Variants in LMBR1 observed in about 807,000 individuals in gnomAD.
LMBR1 encodes the protein limb region 1 protein homolog.
In LMBR1, 52 loss-of-function variants were observed where a neutral mutation model predicts 73.9. The observed-to-expected ratio is 0.70, with a 90% confidence interval of 0.56 to 0.89. The LOEUF (loss-of-function observed/expected upper bound fraction) is 0.89, where lower values mean the gene tolerates loss of function less well. Among genes scored for constraint, LMBR1 ranks in the 40% least tolerant of loss-of-function variants. The pLI, the probability that LMBR1 is intolerant of heterozygous loss-of-function variation, is 0.00. For synonymous variants in LMBR1, 215 were observed against 209.4 expected (o/e 1.03, Z -0.23); for missense variants, 539 against 579.8 (o/e 0.93, Z 0.72).
chr7:156,825,823 A>T (rs1327761354), intron 4 of LMBR1, among the ~76,000 whole-genome samples: 1 of 152,232 alleles, frequency 6.6e-6, no homozygotes, highest in Non-Finnish European at 1.5e-5. Context: ...CTAAGACAAC[A>T]GGAAGCCGCG....
chr7:156,846,732 A>C (rs1466744068), intron 1 of LMBR1, among the ~76,000 whole-genome samples: 1 of 152,162 alleles, frequency 6.6e-6, no homozygotes, highest in Non-Finnish European at 1.5e-5. Flanking sequence ...AATAGTCAAC[A>C]CAATATTGAA....
intron 5 of LMBR1, 88 bp from the exon 6 acceptor site, chr7:156,763,883 T>C: frequency 1.9e-6 from 2 of 1,069,296 alleles, no homozygotes; most frequent in Admixed American, 3.1e-5. Context: ...CATAAAATAA[T>C]CCCTTGGAAG....
intron 1 of LMBR1, among the ~76,000 whole-genome samples, chr7:156,888,809 C>T (rs1337207806): frequency 6.6e-6 from 1 of 152,076 alleles, no homozygotes; most frequent in Admixed American, 6.6e-5. Context: ...AATCCCAGCA[C>T]TTTGGGAGGC....
At chr7:156,888,820 T>G (rs1357618712) in intron 1 of LMBR1, among the ~76,000 whole-genome samples, 1 of 152,004 alleles carries the variant, frequency 6.6e-6, no homozygotes, top group Non-Finnish European at 1.5e-5. Context: ...TTTGGGAGGC[T>G]GAGGCAGGTG....
chr7:156,882,882 T>C (rs1225719950), intron 1 of LMBR1, among the ~76,000 whole-genome samples: 1 of 151,784 alleles, frequency 6.6e-6, no homozygotes, highest in Non-Finnish European at 1.5e-5. Flanking sequence ...ATACAATAAA[T>C]TAGCTGGACG....
rs1441590376 is a variant in LMBR1 at position 156,853,366 on chromosome 7, C to A, written c.67-16481G>T. On this transcript the variant is annotated intron_variant, in intron 1 of 16. Transcript: ENST00000353442. The stretch of plus-strand genomic sequence containing the variant: ...AATGGGTCACATAAAGAAATATTAG[C>A]CAGATTAAGGGACAGATCATTCCAA... 3.3e-5 allele frequency among the ~76,000 whole-genome samples: 5 copies of A among 151,878 alleles called. No individual in the cohort carries two copies. The East Asian group carries it at 9.7e-4, about 29-fold the overall frequency.
intron 15 of LMBR1, among the ~76,000 whole-genome samples, chr7:156,692,055 A>C (rs1807307241): frequency 6.6e-6 from 1 of 152,224 alleles, no homozygotes; most frequent in East Asian, 1.9e-4. Flanking sequence ...GGAATGAAAG[A>C]TGATGCTGTT....
At chr7:156,802,355 G>A (rs917862490) in intron 4 of LMBR1, among the ~76,000 whole-genome samples, 1 of 152,194 alleles carries the variant, frequency 6.6e-6, no homozygotes, top group Non-Finnish European at 1.5e-5. Flanking sequence ...AGGTCCATGA[G>A]GCATGAATAT....
At chr7:156,731,372 T>C (rs376444225) in intron 10 of LMBR1, among the ~76,000 whole-genome samples, 2 of 152,156 alleles carry the variant, frequency 1.3e-5, no homozygotes, top group East Asian at 1.9e-4. Context: ...TGGCCAAGAT[T>C]TTCCCAAATA....
intron 8 of LMBR1, 151 bp downstream of exon 8, chr7:156,761,983 A>G (rs1823121761): frequency 1.8e-6 from 1 of 568,832 alleles, no homozygotes; most frequent in African/African-American, 1.9e-5. Flanking sequence ...TCTCAAAAAA[A>G]AAAAAAAAAC....
chr7:156,798,925 G>A (rs755710329), intron 4 of LMBR1, among the ~76,000 whole-genome samples: 3 of 152,012 alleles, frequency 2.0e-5, no homozygotes, highest in Non-Finnish European at 4.4e-5. Context: ...CGGGCATGGT[G>A]GCTCATACCT....
chr7:156,759,068 A>T (rs1012830921), intron 8 of LMBR1, among the ~76,000 whole-genome samples: 1 of 152,258 alleles, frequency 6.6e-6, no homozygotes. Flanking sequence ...ATTCTAGTGT[A>T]GCAGAAGAGA....
chr7:156,738,418 A>C (rs951619193), intron 9 of LMBR1, among the ~76,000 whole-genome samples: 1 of 152,164 alleles, frequency 6.6e-6, no homozygotes, highest in Admixed American at 6.5e-5. Flanking sequence ...GGACACAAGA[A>C]CTGCAATTCC....
chr7:156,744,305 CTTT>C (rs1819451890), intron 9 of LMBR1, among the ~76,000 whole-genome samples: 1 of 150,642 alleles, frequency 6.6e-6, no homozygotes. Context: ...TCTCTCTCTT[CTTT>C]GTCTGGAATT....
At chr7:156,684,645 C>A (rs986938775) in intron 16 of LMBR1, among the ~76,000 whole-genome samples, 4 of 152,200 alleles carry the variant, frequency 2.6e-5, no homozygotes, top group African/African-American at 9.6e-5. Context: ...CAGATACGTT[C>A]CCACTTGCAT....
At chr7:156,819,827 G>A (rs1279862199) in intron 4 of LMBR1, among the ~76,000 whole-genome samples, 2 of 152,118 alleles carry the variant, frequency 1.3e-5, no homozygotes, top group South Asian at 4.1e-4. Context: ...CCATCCTGTG[G>A]TTGTCTCCTC....
chr7:156,784,416 G>C (rs1827714291), intron 5 of LMBR1, among the ~76,000 whole-genome samples: 1 of 152,072 alleles, frequency 6.6e-6, no homozygotes, highest in South Asian at 2.1e-4. Context: ...CTTGTATGTT[G>C]GTGGACCTTT....
intron 15 of LMBR1, among the ~76,000 whole-genome samples, chr7:156,713,306 A>G (rs146288866): frequency 3.9e-5 from 6 of 152,276 alleles, no homozygotes; most frequent in South Asian, 2.1e-4. Context: ...GCATGATGCC[A>G]TAACAGTGGA....
At chr7:156,823,019 G>A (rs13225721) in intron 4 of LMBR1, 1 of 152,272 alleles carries the variant, frequency 6.6e-6, no homozygotes, top group Non-Finnish European at 1.5e-5. Flanking sequence ...AGCTGAGGCA[G>A]GAGAATCGCT....
Sources: allele counts gnomAD v4.1 joint callset (sites outside exome capture counted in the v4.1 genomes callset), GRCh38; gene constraint gnomAD v4.1.1; transcripts MANE v1.5; gene names NCBI Gene and HGNC (gene_info 2026-07-23, HGNC 2026-07-21).